NDUFV2: variants seen among roughly 807,000 people sequenced by gnomAD.
NDUFV2 encodes the protein NADH dehydrogenase [ubiquinone] flavoprotein 2, mitochondrial.
A neutral mutation model predicts 31.6 loss-of-function variants in NDUFV2; 18 were observed. That is an observed-to-expected ratio of 0.57 (90% confidence interval 0.39 to 0.84). The LOEUF (loss-of-function observed/expected upper bound fraction) is 0.84, where lower values mean the gene tolerates loss of function less well. NDUFV2 is among the 40% of genes least tolerant of loss of function. The probability of loss-of-function intolerance (pLI) is 0.00; values close to 1 mark genes in which losing one functional copy is unlikely to be tolerated. For missense variants in NDUFV2, 314 were observed against 303.6 expected (o/e 1.03, Z -0.26); for synonymous variants, 83 against 99.8 (o/e 0.83, Z 1.01).
In NDUFV2 at chr18:9,102,796, G is replaced by A; in HGVS notation, c.53G>A (p.Trp18Ter). ...RARAAGLTAHWGRHVRNLHKT... is the reference protein window; with the variant it reads ...RARAAGLTAH Reference sequence around the variant, plus strand: ...CGGGCGGCTGGCCTCACCGCCCACTGGGTAAGGAGGCTCAAGCTGAGCCCG... The same window carrying A: ...CGGGCGGCTGGCCTCACCGCCCACTAGGTAAGGAGGCTCAAGCTGAGCCCG... Residue 18 changes from tryptophan (W) to a stop codon, truncating the protein, a stop_gained and splice_region_variant, in exon 1 of 8, where the codon TGG (tryptophan) becomes TAG (stop). Transcript: ENST00000318388. LOFTEE classifies it high-confidence loss of function. 6.4e-7 allele frequency: 1 copy of A among 1,568,136 alleles called. No individual in the cohort carries two copies. Among genetic ancestry groups the A allele is most frequent in the Non-Finnish European group, 8.6e-7 (1 of 1,158,734 alleles).
At chr18:9,104,833 A>G (rs1485945312) in intron 1 of NDUFV2, 3 of 1,211,882 alleles carry the variant, frequency 2.5e-6, no homozygotes, top group Admixed American at 2.9e-5. Flanking sequence ...GTGTGTAGAA[A>G]AAACAATACT....
chr18:9,104,049 TAGAG>T (rs995817343), intron 1 of NDUFV2: 18 of 1,169,798 alleles, frequency 1.5e-5, no homozygotes, highest in East Asian at 2.5e-5. Context: ...AGTACAGTGT[TAGAG>T]AGATGAATAG....
At chr18:9,127,519 A>G (rs1029426414) in intron 7 of NDUFV2, among the ~76,000 whole-genome samples, 1 of 152,206 alleles carries the variant, frequency 6.6e-6, no homozygotes, top group African/African-American at 2.4e-5. Flanking sequence ...TCTGGAGTAC[A>G]GTGGCGCAGT....
intron 1 of NDUFV2, among the ~76,000 whole-genome samples, chr18:9,106,980 A>C (rs1310498455): frequency 6.6e-6 from 1 of 151,564 alleles, no homozygotes; most frequent in Admixed American, 6.6e-5. Flanking sequence ...CATTGGGCCC[A>C]CCTAGATAAT....
Position 9,102,763 on chromosome 18 carries a change from T to G in NDUFV2, c.20T>G (p.Leu7Arg). The change falls in exon 1 of 8, where the codon CTC becomes CGC. Residue 7 changes from leucine (L) to arginine (R), a missense_variant. Coordinates refer to ENST00000318388, the MANE Select transcript of NDUFV2 (RefSeq NM_021074.5). Reference protein sequence around the residue: MFFSAALRARAAGLTAH... With the variant: MFFSAARRARAAGLTAH... ...CCCGCCATGTTCTTCTCCGCGGCGCTCCGGGCCCGGGCGGCTGGCCTCACC... is the reference window on the plus strand; with the variant it reads ...CCCGCCATGTTCTTCTCCGCGGCGCGCCGGGCCCGGGCGGCTGGCCTCACC... 1 of 1,586,836 alleles carries G rather than the reference T, an allele frequency of 6.3e-7. No homozygotes were observed. The highest frequency in any genetic ancestry group is 8.6e-7 in the Non-Finnish European group (1 of 1,168,780).
chr18:9,134,035 C>G (rs922649914), intron 7 of NDUFV2, 151 bp from the exon 8 acceptor site: 1 of 577,806 alleles, frequency 1.7e-6, no homozygotes, highest in Non-Finnish European at 3.1e-6. Flanking sequence ...GAAAATCTTG[C>G]ATCAGTTGAA....
At chr18:9,111,671 C>T (rs748418093) in intron 1 of NDUFV2, among the ~76,000 whole-genome samples, 8 of 151,852 alleles carry the variant, frequency 5.3e-5, no homozygotes, top group Admixed American at 2.0e-4. Flanking sequence ...TCAGGTGATC[C>T]GTCCGCCTCA....
chr18:9,112,178 G>A (rs904825747), intron 1 of NDUFV2, among the ~76,000 whole-genome samples: 1 of 149,324 alleles, frequency 6.7e-6, no homozygotes, highest in East Asian at 2.0e-4. Context: ...GCCACCACAC[G>A]CGGTGAATTT....
At chr18:9,102,972 C>T in intron 1 of NDUFV2, 175 bp downstream of exon 1, 1 of 597,536 alleles carries the variant, frequency 1.7e-6, no homozygotes, top group Non-Finnish European at 2.8e-6. Context: ...CGTGAGAAGC[C>T]CCGAGGGAGG....
At chr18:9,124,298 T>C (rs1235773534) in intron 5 of NDUFV2, among the ~76,000 whole-genome samples, 1 of 151,640 alleles carries the variant, frequency 6.6e-6, no homozygotes, top group African/African-American at 2.4e-5. Flanking sequence ...AAATTTTTAA[T>C]TTTTTTGTAG....
chr18:9,104,242 A>C (rs375477220), intron 1 of NDUFV2: 2 of 1,612,542 alleles, frequency 1.2e-6, no homozygotes, highest in African/African-American at 2.7e-5. Flanking sequence ...TGTGTTCCCA[A>C]ATGAAATAAG....
chr18:9,128,550 T>C (rs2078012053), intron 7 of NDUFV2, among the ~76,000 whole-genome samples: 1 of 152,174 alleles, frequency 6.6e-6, no homozygotes. Context: ...GTAAATCATT[T>C]CCCTGGTGAA....
At chr18:9,104,622 T>C (rs1209710771) in intron 1 of NDUFV2, among the ~76,000 whole-genome samples, 6 of 152,188 alleles carry the variant, frequency 3.9e-5, no homozygotes, top group African/African-American at 9.7e-5. Flanking sequence ...TGGAGGACCA[T>C]TGTAATCCAG....
At chr18:9,131,575 G>T (rs1013734297) in intron 7 of NDUFV2, among the ~76,000 whole-genome samples, 3 of 152,064 alleles carry the variant, frequency 2.0e-5, no homozygotes, top group Admixed American at 6.6e-5. Context: ...ATCACTTTTG[G>T]TTTTTTATAC....
chr18:9,120,144 G>A (rs574078903), intron 4 of NDUFV2, among the ~76,000 whole-genome samples: 49 of 151,884 alleles, frequency 3.2e-4, no homozygotes, highest in Non-Finnish European at 6.8e-4. Context: ...TAATAGTTTT[G>A]AGCAGTAATA....
intron 1 of NDUFV2, chr18:9,112,280 G>A (rs974084303): frequency 2.6e-5 from 4 of 152,168 alleles, no homozygotes; most frequent in Non-Finnish European, 5.9e-5. Context: ...GCCTCCCAAA[G>A]TGCTGGGTTT....
intron 5 of NDUFV2, among the ~76,000 whole-genome samples, chr18:9,123,706 G>A (rs2077960672): frequency 6.6e-6 from 1 of 152,060 alleles, no homozygotes; most frequent in Non-Finnish European, 1.5e-5. Flanking sequence ...CCAGGCTGGT[G>A]GTTGTGAAAT....
chr18:9,125,430 A>G (rs778431429), intron 6 of NDUFV2, among the ~76,000 whole-genome samples: 20 of 152,066 alleles, frequency 1.3e-4, no homozygotes, highest in Non-Finnish European at 2.6e-4. Flanking sequence ...CTATACTAAT[A>G]TGTTGTATGG....
At chr18:9,110,844 C>G (rs1186759388) in intron 1 of NDUFV2, among the ~76,000 whole-genome samples, 1 of 152,144 alleles carries the variant, frequency 6.6e-6, no homozygotes, top group Non-Finnish European at 1.5e-5. Context: ...CTCAGCCCTT[C>G]TTATACAACT....
Sources: gnomAD v4.1 joint callset for allele counts (sites outside exome capture counted in the v4.1 genomes callset) on GRCh38, gnomAD v4.1.1 for gene constraint, MANE v1.5 for transcripts, NCBI Gene and HGNC (gene_info 2026-07-23, HGNC 2026-07-21) for gene names.